The following RAD23B variants were observed in gnomAD, a reference collection of about 807,000 sequenced individuals.
RAD23B encodes lysine-specific demethylase RAD23B.
In RAD23B, 5 loss-of-function variants were observed where a neutral mutation model predicts 49.1. That is an observed-to-expected ratio of 0.10 (90% CI 0.05 to 0.21). The LOEUF is 0.21. Ranked by LOEUF, RAD23B falls within the 10% of genes least tolerant of loss-of-function variation. The pLI, the probability that RAD23B is intolerant of heterozygous loss-of-function variation, is 1.00. For missense variants in RAD23B, 356 were observed against 486.7 expected (o/e 0.73, Z 2.53); for synonymous variants, 184 against 165.4 (o/e 1.11, Z -0.86).
chr9:107,323,642 G>T (rs373951759), intron 7 of RAD23B, among the ~76,000 whole-genome samples: 29 of 152,272 alleles, frequency 1.9e-4, no homozygotes, highest in African/African-American at 7.0e-4. Flanking sequence ...GCAATTATAG[G>T]AAAGTTTGGT....
intron 1 of RAD23B, among the ~76,000 whole-genome samples, chr9:107,296,857 CTTT>C (rs10718657): frequency 2.5e-4 from 31 of 126,302 alleles, no homozygotes; most frequent in Non-Finnish European, 2.5e-4. Context: ...TTTTTAATTG[CTTT>C]TTTTTTTTTT....
chr9:107,305,966 A>G (rs772992813), intron 3 of RAD23B, among the ~76,000 whole-genome samples: 4 of 149,608 alleles, frequency 2.7e-5, no homozygotes, highest in Non-Finnish European at 5.9e-5. Flanking sequence ...AAATTATTTT[A>G]TTAATGCTTT....
At chr9:107,298,547 C>A (rs113194109) in intron 1 of RAD23B, among the ~76,000 whole-genome samples, 7 of 128,828 alleles carry the variant, frequency 5.4e-5, no homozygotes, top group African/African-American at 2.1e-4. Context: ...GCCAGGCTGA[C>A]CTCGAACTCC....
intron 4 of RAD23B, among the ~76,000 whole-genome samples, chr9:107,308,499 A>T (rs773415323): frequency 3.3e-5 from 5 of 152,118 alleles, no homozygotes; most frequent in Admixed American, 6.5e-5. Flanking sequence ...GATTATAGGC[A>T]TGAGCCACCA....
intron 4 of RAD23B, among the ~76,000 whole-genome samples, chr9:107,309,945 A>C (rs1469397391): frequency 1.3e-5 from 2 of 151,268 alleles, no homozygotes; most frequent in Non-Finnish European, 3.0e-5. Flanking sequence ...AAAAAAAAAA[A>C]AAAAACCAAT....
Position 107,331,924 on chromosome 9 carries a change from T to C in RAD23B, c.*2268T>C, listed in dbSNP as rs1422105118. The C allele has an allele frequency of 4.2e-6, 2 of 471,468 alleles. No individual in the cohort carries two copies. The highest frequency in any genetic ancestry group is 7.5e-6 in the Non-Finnish European group (2 of 266,722). 29.2% of individuals were successfully genotyped at this position (471,468 alleles called of 1,614,324 possible). The stretch of plus-strand genomic sequence containing the variant: ...CTGTTAATGTTTAATTTACAAACTG[T>C]TTTGGTAAATCTCTTAATGTAAGTA... On this transcript the variant is annotated 3_prime_UTR_variant, in exon 10 of 10. Coordinates refer to ENST00000358015, the MANE Select transcript of RAD23B (RefSeq NM_002874.5).
At chr9:107,288,750 AG>A (rs1170541949) in intron 1 of RAD23B, among the ~76,000 whole-genome samples, 16 of 152,326 alleles carry the variant, frequency 1.1e-4, no homozygotes, top group African/African-American at 3.6e-4. Context: ...GTGACATTTA[AG>A]CTGAGAGCTG....
chr9:107,313,095 C>T (rs1403649018), intron 5 of RAD23B, among the ~76,000 whole-genome samples: 2 of 151,970 alleles, frequency 1.3e-5, no homozygotes, highest in Non-Finnish European at 2.9e-5. Context: ...ACAAATTAAC[C>T]TTGCTTCTTT....
At chr9:107,307,619 A>T (rs1324452187) in intron 4 of RAD23B, among the ~76,000 whole-genome samples, 1 of 152,212 alleles carries the variant, frequency 6.6e-6, no homozygotes, top group African/African-American at 2.4e-5. Context: ...ACAGACATGG[A>T]AAGGGGTTAA....
intron 5 of RAD23B, among the ~76,000 whole-genome samples, chr9:107,316,893 T>G (rs1423344299): frequency 6.6e-6 from 1 of 151,196 alleles, no homozygotes; most frequent in Non-Finnish European, 1.5e-5. Flanking sequence ...CTACCTAGGA[T>G]GACTAGGCAA....
Position 107,318,373 on chromosome 9 carries a change from C to T in RAD23B, c.554-379C>T, listed in dbSNP as rs919057284. Among the ~76,000 whole-genome samples, 1 of 152,214 alleles carries T rather than the reference C, an allele frequency of 6.6e-6. No individual in the cohort carries two copies. Among genetic ancestry groups the T allele is most frequent in the Admixed American group, 6.5e-5 (1 of 15,276 alleles). The stretch of plus-strand genomic sequence containing the variant: ...ATCTCTCATCCTGGTTTTGTCTCCT[C>T]CTCCTCACACCTGTTTCTCTGACCC... On this transcript the variant is annotated intron_variant, in intron 5 of 9. Coordinates refer to ENST00000358015, the MANE Select transcript of RAD23B (RefSeq NM_002874.5). The surrounding 1 kb of genome is among the most constrained non-coding windows in gnomAD (Gnocchi z 4.3).
chr9:107,293,682 T>G (rs1405500456), intron 1 of RAD23B, among the ~76,000 whole-genome samples: 1 of 152,228 alleles, frequency 6.6e-6, no homozygotes, highest in Non-Finnish European at 1.5e-5. Flanking sequence ...CAAAGTGCTG[T>G]GTAAGAAGAT....
chr9:107,311,821 A>G (rs1282712634), intron 5 of RAD23B, 84 bp downstream of exon 5: 6 of 1,010,716 alleles, frequency 5.9e-6, no homozygotes, highest in African/African-American at 3.4e-5. Context: ...AAAAGTGTTA[A>G]TAATTTGCAT....
In RAD23B at chr9:107,306,532, C is replaced by A; in HGVS notation, c.382C>A (p.Pro128Thr). ...CACTTCCACACCTGCATCCATCACT[C>A]CAGCATCAGCGACAGCATCTTCTGA... is the stretch of plus-strand genomic sequence containing the variant. ...APTSTPASITPASATASSEPA... is the reference protein window; with the variant it reads ...APTSTPASITTASATASSEPA... Residue 128 changes from proline to threonine, a missense_variant, in exon 4 of 10, where the codon CCA (proline) becomes ACA (threonine). Pro to Thr is a conservative substitution (Grantham distance 38). This residue lies in a region of RAD23B where 137 missense variants were observed against 122.0 expected (regional missense o/e 1.12). Coordinates refer to ENST00000358015, the MANE Select transcript of RAD23B (RefSeq NM_002874.5). 6.2e-7 allele frequency: 1 copy of A among 1,614,118 alleles called. No homozygotes were observed. The highest frequency in any genetic ancestry group is 1.1e-5 in the South Asian group (1 of 91,084).
chr9:107,284,919 T>G (rs1311754186), intron 1 of RAD23B: 15 of 1,295,546 alleles, frequency 1.2e-5, no homozygotes, highest in Non-Finnish European at 1.4e-5. Context: ...AGATGGTATG[T>G]ATTTACTTGG....
chr9:107,315,710 C>T (rs1429004064), intron 5 of RAD23B, among the ~76,000 whole-genome samples: 1 of 151,902 alleles, frequency 6.6e-6, no homozygotes, highest in Non-Finnish European at 1.5e-5. Flanking sequence ...TACGGGGTTT[C>T]ACCATGTTGG....
intron 1 of RAD23B, among the ~76,000 whole-genome samples, chr9:107,292,363 A>T (rs930545554): frequency 3.9e-5 from 6 of 152,222 alleles, no homozygotes; most frequent in African/African-American, 1.4e-4. Flanking sequence ...TTATTTGGTC[A>T]AAGTGTGGCA....
intron 4 of RAD23B, among the ~76,000 whole-genome samples, chr9:107,311,342 T>C (rs1332695276): frequency 6.6e-6 from 1 of 152,190 alleles, no homozygotes; most frequent in African/African-American, 2.4e-5. Context: ...TTATAAATTA[T>C]TTAACTTCTC....
intron 5 of RAD23B, among the ~76,000 whole-genome samples, chr9:107,317,384 T>A (rs1252114893): frequency 5.9e-5 from 9 of 151,978 alleles, no homozygotes; most frequent in Non-Finnish European, 1.2e-4. Flanking sequence ...TGCCATTTGT[T>A]TAAAGAGAGC....
Sources: gnomAD v4.1 joint callset for allele counts (sites outside exome capture counted in the v4.1 genomes callset) on GRCh38, gnomAD v4.1.1 for gene constraint, gnomAD v4.1.1 regional missense constraint, Gnocchi (gnomAD v3.1) non-coding constraint, MANE v1.5 for transcripts, NCBI Gene and HGNC (gene_info 2026-07-23, HGNC 2026-07-21) for gene names.